The following EPHA5 variants were observed in gnomAD, a reference collection of about 807,000 sequenced individuals.
The protein encoded by EPHA5 is EPH receptor A5.
EPHA5 carries 60 observed loss-of-function variants against 105.0 expected under a neutral mutation model. The observed-to-expected ratio is 0.57, with a 90% CI of 0.46 to 0.71. The LOEUF is 0.71. Among genes scored for constraint, EPHA5 ranks in the 30% least tolerant of loss-of-function variants. The pLI is 0.00. For missense variants in EPHA5, 1,218 were observed against 1,274.7 expected (o/e 0.96, Z 0.68); for synonymous variants, 513 against 449.1 (o/e 1.14, Z -1.80).
At chr4:65,588,288 G>C (rs1428243500) in intron 3 of EPHA5, among the ~76,000 whole-genome samples, 3 of 152,076 alleles carry the variant, frequency 2.0e-5, no homozygotes, top group Non-Finnish European at 4.4e-5. Context: ...CAGAATCTTA[G>C]ATCTTATTTC....
Position 65,483,838 on chromosome 4 carries a change from G to C in EPHA5, c.1402+6539C>G, listed in dbSNP as rs1730618944. On this transcript the variant is annotated intron_variant, in intron 5 of 16. Coordinates refer to ENST00000613740, the MANE Select transcript of EPHA5 (RefSeq NM_001281766.3). ...GTCAAAGCTGTGAAACTCTAGTAAT[G>C]GCCAAACTAAAGACCTCTGAGCATC... is the stretch of plus-strand genomic sequence containing the variant. Among the ~76,000 whole-genome samples, 4 of 152,044 alleles carry C rather than the reference G, an allele frequency of 2.6e-5. No individual in the cohort carries two copies. In the South Asian group the frequency reaches 8.3e-4, roughly 32 times the overall value.
At chr4:65,594,385 G>A (rs1742971212) in intron 3 of EPHA5, among the ~76,000 whole-genome samples, 1 of 152,044 alleles carries the variant, frequency 6.6e-6, no homozygotes. Context: ...TTAATGTTAA[G>A]ATTCATTTTC....
intron 5 of EPHA5, among the ~76,000 whole-genome samples, chr4:65,422,811 C>T (rs565859193): frequency 6.6e-6 from 1 of 152,052 alleles, no homozygotes; most frequent in South Asian, 2.1e-4. Context: ...TTTAGAATAG[C>T]TTTATTTTTA....
At chr4:65,486,728 G>T (rs1364532540) in intron 5 of EPHA5, among the ~76,000 whole-genome samples, 2 of 152,200 alleles carry the variant, frequency 1.3e-5, no homozygotes, top group East Asian at 3.9e-4. Flanking sequence ...TACTTAAAAA[G>T]TGTTTTGCCA....
chr4:65,590,837 A>G (rs1742570100), intron 3 of EPHA5, among the ~76,000 whole-genome samples: 1 of 152,164 alleles, frequency 6.6e-6, no homozygotes, highest in Non-Finnish European at 1.5e-5. Flanking sequence ...ATGTAACAGT[A>G]CTTTTTATTC....
At chr4:65,532,671 GTTTT>G (rs5858965) in intron 3 of EPHA5, among the ~76,000 whole-genome samples, 1 of 107,674 alleles carries the variant, frequency 9.3e-6, no homozygotes, top group Non-Finnish European at 1.9e-5. Context: ...ATTGGTTACA[GTTTT>G]TTTTTTTTTT....
intron 5 of EPHA5, among the ~76,000 whole-genome samples, chr4:65,465,530 A>AG (rs1560567483): frequency 4.2e-4 from 37 of 88,614 alleles, no homozygotes; most frequent in South Asian, 2.6e-3. Context: ...AAAGAAAGAA[A>AG]AGAAAGGAAA....
chr4:65,537,301 A>G (rs1736380993), intron 3 of EPHA5, among the ~76,000 whole-genome samples: 2 of 151,818 alleles, frequency 1.3e-5, no homozygotes, highest in Admixed American at 6.6e-5. Flanking sequence ...TAAGTCTTGT[A>G]GTTACTATAT....
chr4:65,331,229 A>T, intron 16 of EPHA5: 1 of 1,030,748 alleles, frequency 9.7e-7, no homozygotes, highest in African/African-American at 1.7e-5. Context: ...ACCACCATAA[A>T]GACAGTTAAT....
intron 3 of EPHA5, among the ~76,000 whole-genome samples, chr4:65,520,402 T>G (rs1734571750): frequency 6.6e-6 from 1 of 152,128 alleles, no homozygotes; most frequent in Non-Finnish European, 1.5e-5. Flanking sequence ...GACTTAAATA[T>G]TAGACTAAAA....
intron 3 of EPHA5, among the ~76,000 whole-genome samples, chr4:65,525,469 G>A (rs1735143385): frequency 6.6e-6 from 1 of 151,652 alleles, no homozygotes; most frequent in African/African-American, 2.4e-5. Flanking sequence ...GTCTACAGTG[G>A]GGATCAATGT....
chr4:65,426,433 A>G (rs1330463109), intron 5 of EPHA5, among the ~76,000 whole-genome samples: 1 of 152,076 alleles, frequency 6.6e-6, no homozygotes, highest in Non-Finnish European at 1.5e-5. Flanking sequence ...ACCATTTGTT[A>G]ATTTCTTATT....
intron 1 of EPHA5, among the ~76,000 whole-genome samples, chr4:65,658,688 G>A (rs1041451168): frequency 6.6e-6 from 1 of 152,182 alleles, no homozygotes; most frequent in African/African-American, 2.4e-5. Flanking sequence ...AGAAAACAGA[G>A]GCACAGAGAG....
chr4:65,390,214 A>G (rs922578208), intron 8 of EPHA5, among the ~76,000 whole-genome samples: 2 of 151,970 alleles, frequency 1.3e-5, no homozygotes, highest in Admixed American at 1.3e-4. Flanking sequence ...AAACTAACCA[A>G]TCTGGAGCAA....
chr4:65,489,354 T>G (rs1396426194), intron 5 of EPHA5, among the ~76,000 whole-genome samples: 1 of 152,188 alleles, frequency 6.6e-6, no homozygotes, highest in East Asian at 1.9e-4. Flanking sequence ...TAATATTGTA[T>G]AAACTAAGCC....
intron 3 of EPHA5, among the ~76,000 whole-genome samples, chr4:65,567,914 A>T (rs898343440): frequency 1.3e-5 from 2 of 151,490 alleles, no homozygotes; most frequent in African/African-American, 4.8e-5. Context: ...TGATAAACTA[A>T]TCCTATTCTT....
chr4:65,361,767 G>A (rs934332985), intron 11 of EPHA5, among the ~76,000 whole-genome samples: 1 of 151,518 alleles, frequency 6.6e-6, no homozygotes, highest in African/African-American at 2.4e-5. Flanking sequence ...GTAGTGTTTT[G>A]TTTAAATTTA....
chr4:65,483,996 A>G (rs1730635580), intron 5 of EPHA5, among the ~76,000 whole-genome samples: 1 of 152,222 alleles, frequency 6.6e-6, no homozygotes, highest in African/African-American at 2.4e-5. Flanking sequence ...TTCAGTCTAC[A>G]TGGAAGACAA....
chr4:65,579,375 TAA>T (rs767360684), intron 3 of EPHA5, among the ~76,000 whole-genome samples: 2 of 146,544 alleles, frequency 1.4e-5, no homozygotes, highest in Admixed American at 6.9e-5. Context: ...TATATATATA[TAA>T]ATATATATAT....
Sources: allele counts gnomAD v4.1 joint callset (sites outside exome capture counted in the v4.1 genomes callset), GRCh38; gene constraint gnomAD v4.1.1; transcripts MANE v1.5; gene names NCBI Gene and HGNC (gene_info 2026-07-23, HGNC 2026-07-21).